Variants in MSRA observed in about 807,000 individuals in gnomAD.
MSRA encodes methionine sulfoxide reductase A.
MSRA carries 54 observed loss-of-function variants against 31.3 expected under a neutral mutation model. The observed-to-expected ratio is 1.73, with a 90% confidence interval of 1.39 to 2.17. The LOEUF (loss-of-function observed/expected upper bound fraction) is 2.17, where lower values mean the gene tolerates loss of function less well. Ranked by LOEUF, MSRA falls within the 30% of genes most tolerant of loss-of-function variation. The pLI is 0.00. For synonymous variants in MSRA, 169 were observed against 116.5 expected (o/e 1.45, Z -2.90); for missense variants, 507 against 300.9 (o/e 1.69, Z -5.07).
chr8:10,379,794 G>T (rs927639038), intron 5 of MSRA, among the ~76,000 whole-genome samples: 1 of 152,216 alleles, frequency 6.6e-6, no homozygotes, highest in Non-Finnish European at 1.5e-5. Context: ...TCTTCTGCCA[G>T]TGGCAGTCTG....
chr8:10,391,121 C>T (rs1332473165), intron 5 of MSRA, among the ~76,000 whole-genome samples: 1 of 152,174 alleles, frequency 6.6e-6, no homozygotes, highest in African/African-American at 2.4e-5. Context: ...TGTCAATATT[C>T]TCACTCTATT....
intron 1 of MSRA, among the ~76,000 whole-genome samples, chr8:10,153,555 G>C (rs993362629): frequency 6.6e-6 from 1 of 152,110 alleles, no homozygotes; most frequent in East Asian, 1.9e-4. Context: ...AGTGGCATAA[G>C]GTCACTGGGT....
chr8:10,139,686 T>A (rs1019507441), intron 1 of MSRA, among the ~76,000 whole-genome samples: 1 of 152,262 alleles, frequency 6.6e-6, no homozygotes, highest in Non-Finnish European at 1.5e-5. Flanking sequence ...ATTGCTTGAT[T>A]TCATTCTTTT....
intron 1 of MSRA, among the ~76,000 whole-genome samples, chr8:10,164,193 A>T (rs1585069690): frequency 6.6e-6 from 1 of 152,338 alleles, no homozygotes; most frequent in Middle Eastern, 3.4e-3. Context: ...AGCAGGTATC[A>T]TTCTCACCAG....
intron 2 of MSRA, among the ~76,000 whole-genome samples, chr8:10,219,788 A>G (rs774348369): frequency 8.3e-6 from 1 of 120,284 alleles, no homozygotes; most frequent in Non-Finnish European, 1.6e-5. Flanking sequence ...CCTGGACGAC[A>G]GATCGAGACT....
intron 1 of MSRA, among the ~76,000 whole-genome samples, chr8:10,067,381 C>T (rs1329122714): frequency 2.0e-5 from 3 of 152,146 alleles, no homozygotes; most frequent in South Asian, 4.1e-4. Flanking sequence ...CAATAATATT[C>T]CATTGTATGG....
At chr8:10,274,519 G>A (rs1258523081) in intron 3 of MSRA, among the ~76,000 whole-genome samples, 1 of 152,136 alleles carries the variant, frequency 6.6e-6, no homozygotes, top group East Asian at 1.9e-4. Flanking sequence ...GGCAGAAGTG[G>A]GTGATTCCCA....
chr8:10,087,944 C>T (rs777953011), intron 1 of MSRA, among the ~76,000 whole-genome samples: 4 of 152,116 alleles, frequency 2.6e-5, no homozygotes, highest in Non-Finnish European at 5.9e-5. Flanking sequence ...AAAGTAATTG[C>T]GGTTTTTGCC....
At chr8:10,406,541 C>A (rs1448269998) in intron 5 of MSRA, among the ~76,000 whole-genome samples, 1 of 152,056 alleles carries the variant, frequency 6.6e-6, no homozygotes, top group African/African-American at 2.4e-5. Context: ...GGGTTACATC[C>A]AGGGTGTTGG....
At chr8:10,317,102 A>G (rs1801768982) in intron 4 of MSRA, among the ~76,000 whole-genome samples, 1 of 152,194 alleles carries the variant, frequency 6.6e-6, no homozygotes, top group Non-Finnish European at 1.5e-5. Flanking sequence ...GTTTTCAACC[A>G]ACATGGACAG....
intron 5 of MSRA, among the ~76,000 whole-genome samples, chr8:10,359,558 T>TTCCTCCTTC (rs2129164146): frequency 6.6e-6 from 1 of 152,324 alleles, no homozygotes; most frequent in South Asian, 2.1e-4. Context: ...CCTCCTCCTC[T>TTCCTCCTTC]TCCTCCTTCT....
At chr8:10,131,933 G>A (rs1175734661) in intron 1 of MSRA, among the ~76,000 whole-genome samples, 1 of 152,144 alleles carries the variant, frequency 6.6e-6, no homozygotes, top group Non-Finnish European at 1.5e-5. Flanking sequence ...TATACCAAAT[G>A]AAAACAAATG....
chr8:10,413,600 TAAAAGA>T (rs979665976), intron 5 of MSRA, among the ~76,000 whole-genome samples: 1 of 139,612 alleles, frequency 7.2e-6, no homozygotes. Context: ...CTGAAAAAAT[TAAAAGA>T]AAATGTTAGA....
rs556221934 is a variant in MSRA, at chr8:10,405,751, A to G, written c.544-22397A>G. Among the ~76,000 whole-genome samples the G allele has an allele frequency of 3.6e-3, 552 of 152,004 alleles. 12 individuals carry two copies. Among genetic ancestry groups the G allele is most frequent in the Admixed American group, 0.034 (513 of 15,284 alleles). ...CAATCACACACGTGTGTTCACACAC[A>G]CCCATGTGCTCACACACACCTATGT... On this transcript the variant is annotated intron_variant, in intron 5 of 5. Coordinates refer to ENST00000317173, the MANE Select transcript of MSRA (RefSeq NM_012331.5).
rs566907105 is a variant in MSRA, at chr8:10,420,298, T to G, written c.544-7850T>G. ...GGGGAGTAGGGGAACAGGGAAGTTT[T>G]TTTGTTTTTTTTTTTTTCCTATTTG... On this transcript the variant is annotated intron_variant, in intron 5 of 5. Coordinates refer to ENST00000317173, the MANE Select transcript of MSRA (RefSeq NM_012331.5). 2.0e-5 allele frequency among the ~76,000 whole-genome samples: 3 copies of G among 151,934 alleles called. No individual in the cohort carries two copies. In the South Asian group the frequency reaches 6.2e-4, roughly 32 times the overall value.
At chr8:10,101,367 G>A (rs1396075050) in intron 1 of MSRA, among the ~76,000 whole-genome samples, 1 of 152,008 alleles carries the variant, frequency 6.6e-6, no homozygotes, top group Non-Finnish European at 1.5e-5. Flanking sequence ...TTAATTTTTA[G>A]AAATTGTGAT....
At position 10,107,128 on chromosome 8, in the gene MSRA, C is replaced by T. The variant is rs377403026; in HGVS notation, c.142+52470C>T. Among the ~76,000 whole-genome samples, 29 of 152,234 alleles carry T rather than the reference C, an allele frequency of 1.9e-4. No individual in the cohort carries two copies. The South Asian group carries it at 5.4e-3, about 28-fold the overall frequency. On this transcript the variant is annotated intron_variant, in intron 1 of 5. Transcript: ENST00000317173. ...AGGACTACAGATCAGTAAATGTGGC[C>T]AAGCGCAGTGACTGTTAGGAGAGGA...
At position 10,418,385 on chromosome 8, in the gene MSRA, T is replaced by C. The variant is rs78310729; in HGVS notation, c.544-9763T>C. Among the ~76,000 whole-genome samples the C allele has an allele frequency of 6.9e-3, 1,058 of 152,258 alleles. 3 individuals are homozygous for C. Among genetic ancestry groups the C allele is most frequent in the Non-Finnish European group, 0.011 (757 of 68,014 alleles). On this transcript the variant is annotated intron_variant, in intron 5 of 5. Transcript: ENST00000317173. ...ATGAGGGTCATCTGTCTTGGAAATA[T>C]GCACCGCTGAGTGGATCTGCCTGCC...
chr8:10,164,237 T>C (rs1442653641), intron 1 of MSRA, among the ~76,000 whole-genome samples: 1 of 152,240 alleles, frequency 6.6e-6, no homozygotes, highest in Non-Finnish European at 1.5e-5. Context: ...TTTAATGTTA[T>C]CCTAGTCTTA....
Sources: gnomAD v4.1 joint callset for allele counts (sites outside exome capture counted in the v4.1 genomes callset) on GRCh38, gnomAD v4.1.1 for gene constraint, MANE v1.5 for transcripts, NCBI Gene and HGNC (gene_info 2026-07-23, HGNC 2026-07-21) for gene names.